Variants in LDB3 observed in about 807,000 individuals in gnomAD.
LDB3 encodes LIM domain-binding protein 3.
LDB3 carries 49 observed loss-of-function variants against 69.0 expected under a neutral mutation model. The observed-to-expected ratio is 0.71, with a 90% confidence interval of 0.56 to 0.90. The LOEUF (loss-of-function observed/expected upper bound fraction) is 0.90. Among genes scored for constraint, LDB3 ranks in the 40% least tolerant of loss-of-function variants. LDB3 has a pLI of 0.00. For synonymous variants in LDB3, 387 were observed against 396.2 expected (o/e 0.98, Z 0.28); for missense variants, 928 against 974.1 (o/e 0.95, Z 0.63).
intron 7 of LDB3, among the ~76,000 whole-genome samples, chr10:86,697,721 C>A (rs1846074102): frequency 6.7e-6 from 1 of 149,724 alleles, no homozygotes; most frequent in African/African-American, 2.5e-5. Context: ...ACCTGGCTAA[C>A]TTTTGTATTT....
intron 7 of LDB3, among the ~76,000 whole-genome samples, chr10:86,706,216 C>T (rs934110890): frequency 8.1e-6 from 1 of 123,316 alleles, no homozygotes; most frequent in African/African-American, 3.1e-5. Flanking sequence ...TTCTACCACA[C>T]TGTTTTGCTG....
chr10:86,707,409 T>C (rs1846484807), intron 8 of LDB3, among the ~76,000 whole-genome samples: 2 of 151,994 alleles, frequency 1.3e-5, no homozygotes, highest in African/African-American at 4.8e-5. Context: ...CTAATACATA[T>C]GAAGGACACA....
chr10:86,703,905 G>A (rs1271339881), intron 7 of LDB3, among the ~76,000 whole-genome samples: 1 of 152,106 alleles, frequency 6.6e-6, no homozygotes, highest in East Asian at 1.9e-4. Flanking sequence ...CCTGAGGTCA[G>A]GAGTTCGAGA....
intron 12 of LDB3, among the ~76,000 whole-genome samples, chr10:86,723,200 GT>G (rs1488278290): frequency 7.1e-6 from 1 of 140,324 alleles, no homozygotes; most frequent in Admixed American, 7.6e-5. Context: ...AGCCCAGGAA[GT>G]TGAGGTTGCA....
intron 3 of LDB3, 58 bp from the exon 4 acceptor site, chr10:86,680,024 A>C: frequency 1.4e-6 from 2 of 1,470,638 alleles, no homozygotes; most frequent in Non-Finnish European, 1.9e-6. Flanking sequence ...CTGCCCAGGC[A>C]GGAGCTTCTG....
intron 5 of LDB3, among the ~76,000 whole-genome samples, chr10:86,684,321 T>C (rs1032189676): frequency 1.3e-5 from 2 of 152,186 alleles, no homozygotes; most frequent in African/African-American, 4.8e-5. Context: ...CGGCCCCAGG[T>C]CCTGGGTGGG....
chr10:86,696,356 C>T (rs117766863), intron 7 of LDB3, among the ~76,000 whole-genome samples: 8,189 of 152,234 alleles, frequency 0.054, 353 homozygotes, highest in Non-Finnish European at 0.074. Flanking sequence ...GTTCTGCCAC[C>T]CTAGCGAGTT....
At chr10:86,692,454 G>A in intron 6 of LDB3, 81 bp from the exon 7 acceptor site, 4 of 1,390,912 alleles carry the variant, frequency 2.9e-6, no homozygotes, top group South Asian at 1.2e-5. Flanking sequence ...GAATCCTGGG[G>A]ACTCAGTGCC....
intron 5 of LDB3, among the ~76,000 whole-genome samples, chr10:86,685,166 C>T (rs552081870): frequency 2.0e-5 from 3 of 152,276 alleles, no homozygotes; most frequent in East Asian, 1.9e-4. Context: ...GGAAACCCCG[C>T]GCACACCCTG....
intron 10 of LDB3, among the ~76,000 whole-genome samples, chr10:86,717,742 T>C (rs983042644): frequency 1.3e-5 from 2 of 152,248 alleles, no homozygotes; most frequent in Admixed American, 6.5e-5. Flanking sequence ...CAGTCCCCTA[T>C]TGGTAGATGT....
chr10:86,687,173 T>C (rs751663965), intron 5 of LDB3: 1 of 1,614,178 alleles, frequency 6.2e-7, no homozygotes, highest in Admixed American at 1.7e-5. Context: ...GCCACCATCA[T>C]CCATGCGCAG....
intron 9 of LDB3, among the ~76,000 whole-genome samples, chr10:86,715,381 G>A (rs1264013952): frequency 6.6e-6 from 1 of 152,144 alleles, no homozygotes; most frequent in East Asian, 1.9e-4. Context: ...CCTGCAGGGT[G>A]CAGCTGGGTC....
chr10:86,684,220 C>T (rs892432949), intron 5 of LDB3, among the ~76,000 whole-genome samples: 2 of 152,256 alleles, frequency 1.3e-5, no homozygotes, highest in Non-Finnish European at 2.9e-5. Flanking sequence ...CCACTCAGTG[C>T]AAGGGCCCCT....
intron 13 of LDB3, among the ~76,000 whole-genome samples, chr10:86,732,223 G>C (rs1446887316): frequency 6.6e-6 from 1 of 151,790 alleles, no homozygotes; most frequent in South Asian, 2.1e-4. Context: ...GTTTACTAAT[G>C]ATTTTCTTTA....
At chr10:86,668,839 G>A (rs1288478303) in intron 2 of LDB3, 55 bp downstream of exon 2, 2 of 1,300,346 alleles carry the variant, frequency 1.5e-6, no homozygotes, top group African/African-American at 2.9e-5. Context: ...GCTTGGAGGA[G>A]GGCATGTGTG....
intron 2 of LDB3, among the ~76,000 whole-genome samples, chr10:86,669,364 A>G (rs569810736): frequency 6.6e-6 from 1 of 152,282 alleles, no homozygotes; most frequent in African/African-American, 2.4e-5. Flanking sequence ...CCCATTCACC[A>G]TGGCTGCTTT....
Position 86,716,354 on chromosome 10 carries a change from CA to C in LDB3, c.1260del (p.Ala422ProfsTer70). The C allele has an allele frequency of 1.2e-6, 2 of 1,611,406 alleles. No individual in the cohort carries two copies. Among genetic ancestry groups the C allele is most frequent in the Non-Finnish European group, 1.7e-6 (2 of 1,179,824 alleles). On this transcript the variant is annotated frameshift_variant, in exon 10 of 14. Coordinates refer to ENST00000361373, the MANE Select transcript of LDB3 (RefSeq NM_007078.3). LOFTEE classifies it high-confidence loss of function. ...PVPASTYSPS[P>X]GANYSPTPYT... The stretch of plus-strand genomic sequence containing the variant: ...CCTGCATCTACCTACAGCCCGTCCC[CA>C]GGGGCCAATTACAGTCCCACTCCCT...
intron 8 of LDB3, among the ~76,000 whole-genome samples, chr10:86,707,294 G>A (rs1481090689): frequency 2.0e-5 from 3 of 152,038 alleles, no homozygotes; most frequent in Non-Finnish European, 2.9e-5. Context: ...GTGTAACCTT[G>A]AAAAAGTGAC....
intron 9 of LDB3, among the ~76,000 whole-genome samples, chr10:86,713,369 C>T (rs529255861): frequency 6.6e-6 from 1 of 152,118 alleles, no homozygotes; most frequent in African/African-American, 2.4e-5. Flanking sequence ...GCCTTAGCCT[C>T]CCGAGTAGCT....
Sources: allele counts gnomAD v4.1 joint callset (sites outside exome capture counted in the v4.1 genomes callset), GRCh38; gene constraint gnomAD v4.1.1; transcripts MANE v1.5; gene names NCBI Gene and HGNC (gene_info 2026-07-23, HGNC 2026-07-21).